The following PPIP5K1 variants were observed in gnomAD, a reference collection of about 807,000 sequenced individuals.
The protein encoded by PPIP5K1 is diphosphoinositol pentakisphosphate kinase 1.
A neutral mutation model predicts 27.7 loss-of-function variants in PPIP5K1; 6 were observed. The ratio of observed to expected loss-of-function variants is 0.22; its 90% CI spans 0.12 to 0.43. PPIP5K1 has a LOEUF of 0.43. Ranked by LOEUF, PPIP5K1 falls within the 20% of genes least tolerant of loss-of-function variation. The pLI is 1.00. For synonymous variants in PPIP5K1, 145 were observed against 242.6 expected, an observed-to-expected ratio of 0.60 and a Z score of 3.74; for missense variants, 394 against 635.4, an observed-to-expected ratio of 0.62 and a Z score of 4.08.
intron 1 of PPIP5K1, among the ~76,000 whole-genome samples, chr15:43,586,925 G>C (rs1021490617): frequency 5.9e-5 from 5 of 84,804 alleles, no homozygotes; most frequent in African/African-American, 1.4e-4. Context: ...CTAGGCCAAG[G>C]TCCCTCACAC....
At position 43,558,864 on chromosome 15, in the gene PPIP5K1, G is replaced by T. The variant is rs745352378; in HGVS notation, c.3487C>A (p.Arg1163Ser). ...LETLHNALSLRQVSEFLSRVC... is the reference protein window; with the variant it reads ...LETLHNALSLSQVSEFLSRVC... Reference sequence around the variant, plus strand: ...CTACTCAAGAATTCACTCACTTGACGTAGGGAAAGGGCATTATGCAGTGTT... The same window carrying T: ...CTACTCAAGAATTCACTCACTTGACTTAGGGAAAGGGCATTATGCAGTGTT... The change falls in exon 30 of 32, where the codon CGT becomes AGT. Residue 1163 changes from arginine (R) to serine (S), a missense_variant. Physicochemically the swap from Arg to Ser is moderately radical, Grantham distance 110. Around this residue, in one of 4 missense-constraint regions of PPIP5K1, gnomAD observed 379 missense variants for 423.9 expected, o/e 0.89. Transcript: ENST00000420765. 1 of 1,614,128 alleles carries T rather than the reference G, an allele frequency of 6.2e-7. No individual in the cohort carries two copies.
chr15:43,579,383 T>TACAC (rs371291746), intron 10 of PPIP5K1, among the ~76,000 whole-genome samples: 28,404 of 83,932 alleles, frequency 0.34, 5,799 homozygotes, highest in African/African-American at 0.43. Context: ...TTCGATTATA[T>TACAC]ACACACACAC....
intron 30 of PPIP5K1, among the ~76,000 whole-genome samples, chr15:43,542,574 T>C (rs1378275612): frequency 6.6e-6 from 1 of 151,624 alleles, no homozygotes; most frequent in Non-Finnish European, 1.5e-5. Flanking sequence ...TACAGGTGCA[T>C]GAGCTACCTC....
At chr15:43,537,370 A>AG in intron 31 of PPIP5K1, 1 of 353,110 alleles carries the variant, frequency 2.8e-6, no homozygotes, top group South Asian at 2.2e-5. Context: ...AAAAAAAAAA[A>AG]AAGAATCAAA....
intron 30 of PPIP5K1, among the ~76,000 whole-genome samples, chr15:43,551,825 G>A (rs910862616): frequency 1.3e-5 from 2 of 151,690 alleles, no homozygotes; most frequent in Non-Finnish European, 2.9e-5. Flanking sequence ...GGATAGTCTC[G>A]ATCTCCTGAC....
intron 30 of PPIP5K1, among the ~76,000 whole-genome samples, chr15:43,556,912 C>T (rs1240605751): frequency 6.6e-6 from 1 of 152,108 alleles, no homozygotes. Context: ...TCAGCATTTT[C>T]CTGGTTACTG....
chr15:43,545,784 G>T (rs1406191446), intron 30 of PPIP5K1, among the ~76,000 whole-genome samples: 1 of 151,592 alleles, frequency 6.6e-6, no homozygotes, highest in Non-Finnish European at 1.5e-5. Context: ...TTTTATTGAG[G>T]TGAAATCCAC....
chr15:43,548,597 G>A (rs2081696479), intron 30 of PPIP5K1: 1 of 150,360 alleles, frequency 6.7e-6, no homozygotes, highest in Admixed American at 6.6e-5. Flanking sequence ...CTGTTGCCCA[G>A]GCTGGAGTAC....
chr15:43,542,308 G>T (rs577340460), intron 30 of PPIP5K1, among the ~76,000 whole-genome samples: 19 of 151,252 alleles, frequency 1.3e-4, no homozygotes, highest in Admixed American at 5.3e-4. Flanking sequence ...TGGCGGGGGG[G>T]GGGGGCAGAG....
intron 29 of PPIP5K1, 138 bp from the exon 30 acceptor site, chr15:43,559,070 G>A: frequency 1.0e-6 from 1 of 977,246 alleles, no homozygotes; most frequent in Non-Finnish European, 1.5e-6. Context: ...AGACTCTTAG[G>A]AGAGGGAACT....
intron 30 of PPIP5K1, among the ~76,000 whole-genome samples, chr15:43,551,855 G>C (rs1373159014): frequency 6.6e-6 from 1 of 151,864 alleles, no homozygotes; most frequent in Non-Finnish European, 1.5e-5. Context: ...CGCCCATCTC[G>C]ACCTCCCAAA....
intron 30 of PPIP5K1, among the ~76,000 whole-genome samples, chr15:43,541,951 T>C (rs1439341329): frequency 6.6e-6 from 1 of 152,230 alleles, no homozygotes; most frequent in Non-Finnish European, 1.5e-5. Context: ...ATGTGCTGTA[T>C]ATTGCATCAT....
intron 31 of PPIP5K1, among the ~76,000 whole-genome samples, chr15:43,536,455 A>C (rs2079877017): frequency 6.6e-6 from 1 of 152,088 alleles, no homozygotes; most frequent in Non-Finnish European, 1.5e-5. Flanking sequence ...TTACCCAAAA[A>C]TGGAAGATGG....
At chr15:43,542,305 G>T (rs963483046) in intron 30 of PPIP5K1, among the ~76,000 whole-genome samples, 1 of 151,130 alleles carries the variant, frequency 6.6e-6, no homozygotes, top group East Asian at 1.9e-4. Flanking sequence ...TTTTGGCGGG[G>T]GGGGGGGGCA....
chr15:43,540,369 G>A (rs1379031275), intron 30 of PPIP5K1, among the ~76,000 whole-genome samples: 6 of 152,114 alleles, frequency 3.9e-5, no homozygotes. Flanking sequence ...CTCAAGACAA[G>A]CCTGGTCAAC....
chr15:43,586,949 GA>G (rs142099435), intron 1 of PPIP5K1, among the ~76,000 whole-genome samples: 174 of 77,888 alleles, frequency 2.2e-3, no homozygotes, highest in Middle Eastern at 4.9e-3. Flanking sequence ...GAGCTACAGT[GA>G]AAAAAAAAAA....
chr15:43,558,093 G>A (rs1187865061), intron 30 of PPIP5K1, among the ~76,000 whole-genome samples: 6 of 141,380 alleles, frequency 4.2e-5, no homozygotes, highest in East Asian at 2.1e-4. Flanking sequence ...ATGGAGTCTC[G>A]CTCTGTCACC....
In PPIP5K1 at chr15:43,555,617, A is replaced by G. The variant is rs1220871056; in HGVS notation, c.3556+3178T>C. Among the ~76,000 whole-genome samples the G allele has an allele frequency of 8.9e-4, 121 of 136,462 alleles. 3 individuals carry two copies. Among genetic ancestry groups the G allele is most frequent in the Non-Finnish European group, 9.5e-5 (6 of 63,218 alleles). 89.5% of individuals were successfully genotyped at this position (136,462 alleles called of 152,430 possible). A position where few individuals can be genotyped will look rare whatever the true frequency, so the allele number is the denominator to read the frequency against. ...TTGTTTGTTTGTTTTTATTATTACC[A>G]TTTTTTAGAGATGGAGTCTCGCTGT... On this transcript the variant is annotated intron_variant, in intron 30 of 31. Transcript: ENST00000420765.
chr15:43,557,368 A>C (rs1310905361), intron 30 of PPIP5K1, among the ~76,000 whole-genome samples: 1 of 152,052 alleles, frequency 6.6e-6, no homozygotes, highest in Non-Finnish European at 1.5e-5. Flanking sequence ...GAACTGCTTG[A>C]ACCCAGGAGA....
Sources: allele counts gnomAD v4.1 joint callset (sites outside exome capture counted in the v4.1 genomes callset), GRCh38; gene constraint gnomAD v4.1.1; regional missense constraint gnomAD v4.1.1; transcripts MANE v1.5; gene names NCBI Gene and HGNC (gene_info 2026-07-23, HGNC 2026-07-21).